SGCD: variants seen among roughly 807,000 people sequenced by gnomAD.
SGCD encodes sarcoglycan delta.
A neutral mutation model predicts 36.6 loss-of-function variants in SGCD; 18 were observed. That is an observed-to-expected ratio of 0.49 (90% CI 0.34 to 0.73). The LOEUF (loss-of-function observed/expected upper bound fraction) is 0.73. Ranked by LOEUF, SGCD falls within the 30% of genes least tolerant of loss-of-function variation. The pLI, the probability that SGCD is intolerant of heterozygous loss-of-function variation, is 0.01. For missense variants in SGCD, 387 were observed against 346.7 expected, an observed-to-expected ratio of 1.12 and a Z score of -0.92; for synonymous variants, 133 against 130.6, an observed-to-expected ratio of 1.02 and a Z score of -0.12.
At chr5:156,523,457 T>A (rs576166637) in intron 4 of SGCD, among the ~76,000 whole-genome samples, 1 of 152,188 alleles carries the variant, frequency 6.6e-6, no homozygotes, top group Non-Finnish European at 1.5e-5. Flanking sequence ...AATGTATTTC[T>A]CGTAAGAGTT....
At chr5:155,935,121 G>T in intron 1 of SGCD, among the ~76,000 whole-genome samples, 1 of 152,132 alleles carries the variant, frequency 6.6e-6, no homozygotes, top group East Asian at 1.9e-4. Flanking sequence ...TGGTTCCTTT[G>T]TGAGTCAACT....
chr5:156,498,436 T>G (rs1172850604), intron 3 of SGCD, among the ~76,000 whole-genome samples: 1 of 152,150 alleles, frequency 6.6e-6, no homozygotes, highest in African/African-American at 2.4e-5. Flanking sequence ...CCATTTATAG[T>G]CTTCTCCGCC....
chr5:155,730,445 C>CTGTGTGTGTGTGTGTGTGTGTGTGTG, the SGCD span, among the ~76,000 whole-genome samples: 1,204 of 137,206 alleles, frequency 8.8e-3, 18 homozygotes, highest in African/African-American at 0.014. Flanking sequence ...GGTAGAGCAG[C>CTGTGTGTGTGTGTGTGTGTGTGTGTG]TGTGTGTGTG....
In SGCD at chr5:156,511,915, G is replaced by T. The variant is rs184587945; in HGVS notation, c.294+3213G>T. 1.6e-3 allele frequency among the ~76,000 whole-genome samples: 249 copies of T among 152,290 alleles called. 1 individual carries two copies. The highest frequency in any genetic ancestry group is 3.1e-3 in the Non-Finnish European group (212 of 68,020). On this transcript the variant is annotated intron_variant, in intron 4 of 8. Coordinates refer to ENST00000337851, the MANE Select transcript of SGCD (RefSeq NM_000337.6). ...GCACTGTTAAGAATTTACTGTTTTG[G>T]CTGGGTGTGGTGGCTCATGCCTGTA...
At chr5:156,209,547 C>A (rs1764381512) in intron 3 of SGCD, among the ~76,000 whole-genome samples, 1 of 152,224 alleles carries the variant, frequency 6.6e-6, no homozygotes, top group Non-Finnish European at 1.5e-5. Flanking sequence ...AACATTCCAG[C>A]TGACACAGGC....
rs1337637456 is a variant in SGCD, at chr5:156,492,887, A to G, written c.193-15714A>G. On this transcript the variant is annotated intron_variant, in intron 3 of 8. Transcript: ENST00000337851. Reference sequence around the variant, plus strand: ...CTTCATCCGTGTCCCTGGAAAGGACATGAACTCATCATTTTCTATGGCTGC... The same window carrying G: ...CTTCATCCGTGTCCCTGGAAAGGACGTGAACTCATCATTTTCTATGGCTGC... Among the ~76,000 whole-genome samples, 5 of 152,304 alleles carry G rather than the reference A, an allele frequency of 3.3e-5. No individual in the cohort carries two copies. The East Asian group carries it at 5.8e-4, about 18-fold the overall frequency.
intron 1 of SGCD, among the ~76,000 whole-genome samples, chr5:155,873,798 A>G (rs1301937948): frequency 6.6e-6 from 1 of 152,204 alleles, no homozygotes; most frequent in Non-Finnish European, 1.5e-5. Flanking sequence ...TTTATGACTC[A>G]CCAGGGGGAA....
At chr5:156,678,807 G>A (rs575763012) in intron 7 of SGCD, among the ~76,000 whole-genome samples, 1 of 152,316 alleles carries the variant, frequency 6.6e-6, no homozygotes, top group South Asian at 2.1e-4. Flanking sequence ...AGCAAAGTGA[G>A]CAGTGTATGC....
intron 3 of SGCD, among the ~76,000 whole-genome samples, chr5:156,439,177 AC>A (rs2127794328): frequency 6.6e-6 from 1 of 152,220 alleles, no homozygotes; most frequent in Non-Finnish European, 1.5e-5. Flanking sequence ...CCCATTTAAT[AC>A]AGCAACCCAG....
intron 6 of SGCD, among the ~76,000 whole-genome samples, chr5:156,617,298 G>A (rs970100446): frequency 3.3e-5 from 5 of 152,124 alleles, no homozygotes; most frequent in Non-Finnish European, 4.4e-5. Flanking sequence ...TAATACATTC[G>A]TTAAAGATTC....
At chr5:156,376,874 T>C (rs1195271860) in intron 3 of SGCD, among the ~76,000 whole-genome samples, 1 of 152,142 alleles carries the variant, frequency 6.6e-6, no homozygotes, top group African/African-American at 2.4e-5. Flanking sequence ...TTTCCATTTG[T>C]TGACAGTGGT....
chr5:155,745,458 A>G, the SGCD span, among the ~76,000 whole-genome samples: 5 of 151,912 alleles, frequency 3.3e-5, no homozygotes, highest in Non-Finnish European at 7.4e-5. Flanking sequence ...CTCCCTTTCT[A>G]TTTCTCTCTT....
At chr5:155,919,583 A>T (rs1473120893) in intron 1 of SGCD, among the ~76,000 whole-genome samples, 2 of 152,212 alleles carry the variant, frequency 1.3e-5, no homozygotes, top group African/African-American at 4.8e-5. Context: ...AAATGCGGCT[A>T]TATTTTAAAA....
At chr5:156,734,954 G>C (rs1756272139) in intron 7 of SGCD, among the ~76,000 whole-genome samples, 1 of 152,316 alleles carries the variant, frequency 6.6e-6, no homozygotes, top group African/African-American at 2.4e-5. Flanking sequence ...GTTTTGCACT[G>C]ATTCTTTCTC....
chr5:156,755,916 A>G (rs904445649), intron 7 of SGCD, among the ~76,000 whole-genome samples: 1 of 152,136 alleles, frequency 6.6e-6, no homozygotes, highest in African/African-American at 2.4e-5. Context: ...AATGTGGATG[A>G]GCTCTCTCTT....
chr5:156,488,205 A>G (rs1404860193), intron 3 of SGCD, among the ~76,000 whole-genome samples: 2 of 150,720 alleles, frequency 1.3e-5, no homozygotes, highest in African/African-American at 4.9e-5. Context: ...GAATATTAGA[A>G]TTTAGGGAGT....
chr5:155,955,318 A>G (rs1757628873), intron 1 of SGCD, among the ~76,000 whole-genome samples: 1 of 152,162 alleles, frequency 6.6e-6, no homozygotes, highest in Admixed American at 6.5e-5. Context: ...AATTTGAAGT[A>G]TTTAGAATAG....
chr5:155,983,837 T>C (rs547335446), intron 1 of SGCD, among the ~76,000 whole-genome samples: 1 of 152,314 alleles, frequency 6.6e-6, no homozygotes, highest in South Asian at 2.1e-4. Context: ...TGTGGCTTCT[T>C]TATTGCTCTA....
At chr5:156,264,647 G>A (rs556699869) in intron 3 of SGCD, among the ~76,000 whole-genome samples, 1 of 152,140 alleles carries the variant, frequency 6.6e-6, no homozygotes, top group East Asian at 1.9e-4. Context: ...ATTAGATAAT[G>A]CATTAGAAAG....
Sources: gnomAD v4.1 joint callset for allele counts (sites outside exome capture counted in the v4.1 genomes callset) on GRCh38, gnomAD v4.1.1 for gene constraint, MANE v1.5 for transcripts, NCBI Gene and HGNC (gene_info 2026-07-23, HGNC 2026-07-21) for gene names.